CANX: variants seen among roughly 807,000 people sequenced by gnomAD.
CANX encodes the protein epididymis secretory sperm binding protein.
In CANX, 14 loss-of-function variants were observed where a neutral mutation model predicts 75.7. The observed-to-expected ratio is 0.19, with a 90% CI of 0.12 to 0.29. The LOEUF is 0.29. Among genes scored for constraint, CANX ranks in the 10% least tolerant of loss-of-function variants. The pLI, the probability that CANX is intolerant of heterozygous loss-of-function variation, is 1.00. For synonymous variants in CANX, 227 were observed against 236.9 expected, an observed-to-expected ratio of 0.96 and a Z score of 0.38; for missense variants, 567 against 713.2, an observed-to-expected ratio of 0.79 and a Z score of 2.34.
At chr5:179,683,323 T>A (rs376282482) in intron 1 of CANX, among the ~76,000 whole-genome samples, 51 of 151,646 alleles carry the variant, frequency 3.4e-4, no homozygotes, top group Non-Finnish European at 5.0e-4. Context: ...TTAGTAGAGA[T>A]GGGGTTTCAC....
At chr5:179,700,777 T>TGGAAGACAGCTTAAGG (rs1776685713) in intron 1 of CANX, 1 of 153,116 alleles carries the variant, frequency 6.5e-6, no homozygotes, top group Non-Finnish European at 1.5e-5. Context: ...CTCTTTGCCC[T>TGGAAGACAGCTTAAGG]GGAAGACAGC....
chr5:179,710,106 A>C (rs1247992847), intron 7 of CANX, 41 bp downstream of exon 7: 1 of 1,147,144 alleles, frequency 8.7e-7, no homozygotes, highest in Admixed American at 2.2e-5. Context: ...GGTATTACAT[A>C]TATATCATCC....
rs140370682 is a variant in CANX, at chr5:179,719,776, G to A, written c.1020G>A (p.Glu340=). Residue 340 remains glutamate (E), a synonymous_variant, in exon 9 of 15, where the codon GAG becomes GAA. Coordinates refer to ENST00000247461, the MANE Select transcript of CANX (RefSeq NM_001746.4). ...CTGATCCAGACGCAGAGAAACCTGA[G>A]GATTGGTAAGAACTTCAGTTAACTT... ...YVPDPDAEKP[E]DWDEDMDGEW... 78 of 1,566,710 alleles carry A rather than the reference G, an allele frequency of 5.0e-5. No homozygotes were observed. The highest frequency in any genetic ancestry group is 6.2e-5 in the Non-Finnish European group (71 of 1,144,720).
At chr5:179,701,546 G>GGT (rs1479294805) in intron 1 of CANX, among the ~76,000 whole-genome samples, 1 of 151,592 alleles carries the variant, frequency 6.6e-6, no homozygotes, top group Non-Finnish European at 1.5e-5. Flanking sequence ...CTCCAGCCTG[G>GGT]GTGACAGAGT....
At chr5:179,726,448 C>T (rs551932102) in intron 13 of CANX, among the ~76,000 whole-genome samples, 12 of 151,694 alleles carry the variant, frequency 7.9e-5, no homozygotes, top group South Asian at 6.3e-4. Context: ...TGGTGGCAGG[C>T]GCCTGTAGTC....
At position 179,730,485 on chromosome 5, in the gene CANX, G is replaced by A. The variant is rs1581913856; in HGVS notation, c.*1841G>A. ...ATATGTCTGCAGGTTTCTCCTTGAA[G>A]CAAATGTGTGGGATCATTGCATTTC... On this transcript the variant is annotated 3_prime_UTR_variant, in exon 15 of 15. Coordinates refer to ENST00000247461, the MANE Select transcript of CANX (RefSeq NM_001746.4). The A allele has an allele frequency of 6.6e-6, 1 of 152,168 alleles. No individual in the cohort carries two copies. The highest frequency in any genetic ancestry group is 1.9e-4 in the East Asian group (1 of 5,200). 9.4% of individuals were successfully genotyped at this position (152,168 alleles called of 1,614,324 possible). A position where few individuals can be genotyped will look rare whatever the true frequency, so the allele number is the denominator to read the frequency against.
chr5:179,704,527 G>GAAAA (rs548978305), intron 1 of CANX: 5 of 134,386 alleles, frequency 3.7e-5, no homozygotes, highest in Non-Finnish European at 4.7e-5. Flanking sequence ...CTCATCTCAG[G>GAAAA]AAAAAAAAAA....
chr5:179,703,541 G>A (rs944036127), intron 1 of CANX, among the ~76,000 whole-genome samples: 2 of 152,044 alleles, frequency 1.3e-5, no homozygotes, highest in African/African-American at 4.8e-5. Flanking sequence ...TCAGACTCAG[G>A]CTTCTCCTAC....
chr5:179,683,859 G>A (rs1435383740), intron 1 of CANX, among the ~76,000 whole-genome samples: 1 of 152,066 alleles, frequency 6.6e-6, no homozygotes, highest in African/African-American at 2.4e-5. Context: ...TTTGGCATTG[G>A]CTTCTCGCCG....
At chr5:179,700,749 A>G (rs760103758) in intron 1 of CANX, 4 of 153,282 alleles carry the variant, frequency 2.6e-5, no homozygotes, top group Non-Finnish European at 5.9e-5. Flanking sequence ...ACACTATTGC[A>G]TCCTTTTAGT....
chr5:179,685,669 C>A (rs764484487), intron 1 of CANX, among the ~76,000 whole-genome samples: 1 of 151,374 alleles, frequency 6.6e-6, no homozygotes, highest in Non-Finnish European at 1.5e-5. Flanking sequence ...ATACTCCTGC[C>A]TCAGCCTCCC....
At chr5:179,690,661 G>A (rs1377607853) in intron 1 of CANX, among the ~76,000 whole-genome samples, 1 of 151,430 alleles carries the variant, frequency 6.6e-6, no homozygotes, top group East Asian at 2.0e-4. Context: ...GGAGGCTCAG[G>A]CAGGTGGATC....
intron 1 of CANX, among the ~76,000 whole-genome samples, chr5:179,682,723 A>AT (rs1010184076): frequency 1.3e-5 from 2 of 151,744 alleles, no homozygotes; most frequent in Non-Finnish European, 2.9e-5. Flanking sequence ...AAAAAAAAAA[A>AT]AAAAACCCTA....
At chr5:179,682,827 C>G (rs1483282883) in intron 1 of CANX, among the ~76,000 whole-genome samples, 1 of 151,826 alleles carries the variant, frequency 6.6e-6, no homozygotes, top group African/African-American at 2.4e-5. Context: ...AGATGTGGTG[C>G]TCGGTGAAGG....
intron 1 of CANX, among the ~76,000 whole-genome samples, chr5:179,693,281 T>C (rs1305472236): frequency 6.6e-6 from 1 of 152,048 alleles, no homozygotes; most frequent in East Asian, 1.9e-4. Context: ...GGTTCACACC[T>C]GTAATATCAG....
chr5:179,683,393 A>G (rs959233796), intron 1 of CANX, among the ~76,000 whole-genome samples: 1 of 151,938 alleles, frequency 6.6e-6, no homozygotes, highest in African/African-American at 2.4e-5. Flanking sequence ...TCAGCCTCCC[A>G]AAGTGCTGGG....
At chr5:179,713,519 T>C (rs527866786) in intron 7 of CANX, among the ~76,000 whole-genome samples, 43 of 152,338 alleles carry the variant, frequency 2.8e-4, no homozygotes, top group Middle Eastern at 3.4e-3. Context: ...GTAGAAGGAA[T>C]AAATTCTAAT....
chr5:179,709,211 T>G (rs1174668664), intron 6 of CANX, 152 bp downstream of exon 6: 5 of 573,440 alleles, frequency 8.7e-6, no homozygotes, highest in African/African-American at 3.8e-5. Context: ...GTCAGGAGAT[T>G]GAGACTATCT....
At chr5:179,687,679 T>A (rs1776215352) in intron 1 of CANX, among the ~76,000 whole-genome samples, 1 of 152,134 alleles carries the variant, frequency 6.6e-6, no homozygotes, top group Admixed American at 6.6e-5. Context: ...CCAGGAATAT[T>A]TTAACCAAGC....
Sources: gnomAD v4.1 joint callset for allele counts (sites outside exome capture counted in the v4.1 genomes callset) on GRCh38, gnomAD v4.1.1 for gene constraint, MANE v1.5 for transcripts, NCBI Gene and HGNC (gene_info 2026-07-23, HGNC 2026-07-21) for gene names.